The following PCLO variants were observed in gnomAD, a reference collection of about 807,000 sequenced individuals.
The protein encoded by PCLO is piccolo presynaptic cytomatrix protein, also known as protein piccolo.
Under a neutral mutation model 427.5 loss-of-function variants are expected in PCLO, and 82 were observed. The ratio of observed to expected loss-of-function variants is 0.19; its 90% confidence interval spans 0.16 to 0.23. PCLO has a LOEUF of 0.23. PCLO is among the 10% of genes least tolerant of loss of function. The pLI is 1.00. For synonymous variants in PCLO, 2,357 were observed against 2,155.4 expected (o/e 1.09, Z -2.59); for missense variants, 6,239 against 6,115.9 (o/e 1.02, Z -0.67).
rs1240110974 is a variant in PCLO, at chr7:83,038,132, TAC to T, written c.3301-71647_3301-71646del. 1.6e-5 allele frequency among the ~76,000 whole-genome samples: 2 copies of T among 126,290 alleles called. 1 individual carries two copies. Among genetic ancestry groups the T allele is most frequent in the Non-Finnish European group, 3.3e-5 (2 of 61,146 alleles). The allele number at this position is 126,290 out of a possible 152,430, so 82.9% of individuals were successfully genotyped here. A position where few individuals can be genotyped will look rare whatever the true frequency, so the allele number is the denominator to read the frequency against. The stretch of plus-strand genomic sequence containing the variant: ...ATGTATATATATGCACACACACACA[TAC>T]ACACACTCATATATACACATACATA... On this transcript the variant is annotated intron_variant, in intron 3 of 24. Transcript: ENST00000333891.
chr7:82,880,091 G>A (rs542285800), intron 9 of PCLO, among the ~76,000 whole-genome samples: 6 of 152,162 alleles, frequency 3.9e-5, no homozygotes, highest in South Asian at 4.2e-4. Context: ...AAAGACCAGG[G>A]TGAATAATAT....
intron 9 of PCLO, among the ~76,000 whole-genome samples, chr7:82,891,517 T>G (rs1793765101): frequency 6.6e-6 from 1 of 152,096 alleles, no homozygotes; most frequent in South Asian, 2.1e-4. Flanking sequence ...CCTAATTGAA[T>G]ACCCTTTATT....
chr7:83,095,962 T>A (rs1024715730), intron 3 of PCLO, among the ~76,000 whole-genome samples: 1 of 151,958 alleles, frequency 6.6e-6, no homozygotes, highest in African/African-American at 2.4e-5. Context: ...TACAAATAAT[T>A]TTTTTCTCTC....
intron 22 of PCLO, among the ~76,000 whole-genome samples, chr7:82,773,245 T>C (rs1484559692): frequency 6.6e-6 from 1 of 152,134 alleles, no homozygotes; most frequent in Non-Finnish European, 1.5e-5. Context: ...AAAAGTATAA[T>C]GTAAGAAAAA....
intron 22 of PCLO, among the ~76,000 whole-genome samples, chr7:82,781,915 G>T (rs1790881045): frequency 6.6e-6 from 1 of 152,194 alleles, no homozygotes; most frequent in Non-Finnish European, 1.5e-5. Context: ...GGGCATGGAA[G>T]CTTCTCGCCC....
chr7:82,927,088 T>C (rs372570125), intron 6 of PCLO, among the ~76,000 whole-genome samples: 4 of 152,258 alleles, frequency 2.6e-5, no homozygotes, highest in East Asian at 1.9e-4. Context: ...CTATCACACA[T>C]ATAAAGAGTT....
intron 6 of PCLO, 101 bp downstream of exon 6, chr7:82,949,375 A>G: frequency 1.2e-6 from 1 of 817,586 alleles, no homozygotes; most frequent in Non-Finnish European, 2.0e-6. Context: ...ATCTAGTATT[A>G]GGTTTCTAAG....
intron 6 of PCLO, among the ~76,000 whole-genome samples, chr7:82,935,670 G>A (rs181352376): frequency 6.6e-6 from 1 of 151,704 alleles, no homozygotes; most frequent in Non-Finnish European, 1.5e-5. Context: ...TGCCAAAAGT[G>A]AAACTTCATT....
Position 82,915,394 on chromosome 7 carries a change from G to T in PCLO, c.12592C>A (p.Pro4198Thr), listed in dbSNP as rs749003162. 2.5e-6 allele frequency: 4 copies of T among 1,613,382 alleles called. No individual in the cohort carries two copies. The highest frequency in any genetic ancestry group is 3.4e-6 in the Non-Finnish European group (4 of 1,179,700). The change falls in exon 7 of 25, where the codon CCT (proline) becomes ACT (threonine). Residue 4198 changes from proline to threonine, a missense_variant. Physicochemically the swap from Pro to Thr is conservative, Grantham distance 38. Around this residue, in one of 5 missense-constraint regions of PCLO, gnomAD observed 680 missense variants for 677.3 expected, o/e 1.00. Coordinates refer to ENST00000333891, the MANE Select transcript of PCLO (RefSeq NM_033026.6). ...ATAGGTGAAAATTTTGACATTTTAGGGTCAATTAGTGATTTCTTATGCTTT... is the reference window on the plus strand; with the variant it reads ...ATAGGTGAAAATTTTGACATTTTAGTGTCAATTAGTGATTTCTTATGCTTT... Reference protein sequence around the residue: ...QSKHKKSLIDPKMSKFSPIQE... With the variant: ...QSKHKKSLIDTKMSKFSPIQE...
intron 13 of PCLO, among the ~76,000 whole-genome samples, chr7:82,842,536 A>T (rs1381056587): frequency 6.6e-6 from 1 of 152,166 alleles, no homozygotes; most frequent in Non-Finnish European, 1.5e-5. Flanking sequence ...GCAAAAATAA[A>T]AAATAGAAGT....
chr7:82,799,686 T>C (rs1791301397), intron 22 of PCLO, among the ~76,000 whole-genome samples: 1 of 152,150 alleles, frequency 6.6e-6, no homozygotes, highest in South Asian at 2.1e-4. Context: ...GATTGGAGAA[T>C]GGGAGGAAGA....
At chr7:83,026,595 C>A (rs1303515765) in intron 3 of PCLO, among the ~76,000 whole-genome samples, 1,718 of 151,058 alleles carry the variant, frequency 0.011, 41 homozygotes, top group African/African-American at 0.04. Flanking sequence ...CAGCTCTGCA[C>A]CAAGCAGACC....
chr7:82,825,511 A>T (rs1381190067), intron 18 of PCLO, among the ~76,000 whole-genome samples: 1 of 151,880 alleles, frequency 6.6e-6, no homozygotes, highest in African/African-American at 2.4e-5. Context: ...CCTTGATTAC[A>T]CAAAAGGATG....
chr7:83,094,115 C>T (rs939780121), intron 3 of PCLO, among the ~76,000 whole-genome samples: 6 of 151,602 alleles, frequency 4.0e-5, no homozygotes, highest in Non-Finnish European at 8.8e-5. Context: ...TCGGCCACCC[C>T]TAATTTATTT....
intron 3 of PCLO, among the ~76,000 whole-genome samples, chr7:83,124,152 T>C (rs1361369978): frequency 7.0e-6 from 1 of 143,038 alleles, no homozygotes; most frequent in Non-Finnish European, 1.5e-5. Context: ...CTACAAAAAA[T>C]ACAAAAAAAA....
intron 9 of PCLO, among the ~76,000 whole-genome samples, chr7:82,899,265 T>C (rs116786180): frequency 0.019 from 2,901 of 151,436 alleles, 103 homozygotes; most frequent in African/African-American, 0.066. Context: ...TCAATCAAAG[T>C]AGGATTTTTA....
chr7:83,051,248 G>A (rs900574772), intron 3 of PCLO, among the ~76,000 whole-genome samples: 1 of 151,696 alleles, frequency 6.6e-6, no homozygotes, highest in African/African-American at 2.4e-5. Context: ...TATATAGGTT[G>A]GGAAGAAAGA....
chr7:82,908,775 T>C, intron 8 of PCLO, 102 bp downstream of exon 8: 1 of 1,018,606 alleles, frequency 9.8e-7, no homozygotes, highest in Non-Finnish European at 1.4e-6. Flanking sequence ...GTGAAATTAA[T>C]AAACAAACAT....
intron 3 of PCLO, among the ~76,000 whole-genome samples, chr7:82,982,463 G>GA (rs1199565793): frequency 6.6e-6 from 1 of 152,038 alleles, no homozygotes; most frequent in Non-Finnish European, 1.5e-5. Flanking sequence ...AATGTGCACA[G>GA]AAGCGGGGTC....
Sources: gnomAD v4.1 joint callset for allele counts (sites outside exome capture counted in the v4.1 genomes callset) on GRCh38, gnomAD v4.1.1 for gene constraint, gnomAD v4.1.1 regional missense constraint, MANE v1.5 for transcripts, NCBI Gene and HGNC (gene_info 2026-07-23, HGNC 2026-07-21) for gene names.